The following SAMD12 variants were observed in gnomAD, a reference collection of about 807,000 sequenced individuals.
SAMD12 encodes sterile alpha motif domain containing 12.
In SAMD12, 9 loss-of-function variants were observed where a neutral mutation model predicts 15.0. The ratio of observed to expected loss-of-function variants is 0.60; its 90% CI spans 0.36 to 1.05. SAMD12 has a LOEUF of 1.05. Ranked by LOEUF, SAMD12 falls within the 50% of genes least tolerant of loss-of-function variation. The pLI, the probability that SAMD12 is intolerant of heterozygous loss-of-function variation, is 0.01. For missense variants in SAMD12, 230 were observed against 234.2 expected (o/e 0.98, Z 0.12); for synonymous variants, 86 against 90.1 (o/e 0.96, Z 0.25).
downstream of SAMD12, among the ~76,000 whole-genome samples, chr8:118,186,167 G>A (rs1819240250): frequency 6.6e-6 from 1 of 152,110 alleles, no homozygotes; most frequent in Non-Finnish European, 1.5e-5. Context: ...CAAGGGTAAA[G>A]TACATATATC....
chr8:118,265,913 A>G (rs1030019460), intron 4 of SAMD12, among the ~76,000 whole-genome samples: 2 of 152,118 alleles, frequency 1.3e-5, no homozygotes, highest in Non-Finnish European at 2.9e-5. Context: ...ATATAAGACA[A>G]TAAGGTACAT....
At chr8:118,333,817 C>T (rs1816917085) in intron 4 of SAMD12, among the ~76,000 whole-genome samples, 1 of 151,616 alleles carries the variant, frequency 6.6e-6, no homozygotes, top group African/African-American at 2.4e-5. Flanking sequence ...AGGCACCATG[C>T]CTCTGGTGTG....
At chr8:118,519,088 G>A (rs191317363) in intron 2 of SAMD12, among the ~76,000 whole-genome samples, 1 of 152,308 alleles carries the variant, frequency 6.6e-6, no homozygotes, top group East Asian at 1.9e-4. Context: ...GGAGCAGCCT[G>A]ATTTATACTG....
Position 118,379,253 on chromosome 8 carries a change from A to T in SAMD12, c.*164T>A. ...CTCTAGTGAGTGCAATCGTACCCTG[A>T]TTGATGTGACTGGTATTCTCTGGGG... On this transcript the variant is annotated 3_prime_UTR_variant, in exon 4 of 4. Transcript: ENST00000314727. 2 of 1,433,050 alleles carry T rather than the reference A, an allele frequency of 1.4e-6. No homozygotes were observed. Among genetic ancestry groups the T allele is most frequent in the South Asian group, 3.0e-5 (2 of 66,856 alleles). The allele number at this position is 1,433,050 out of a possible 1,614,324, so 88.8% of individuals were successfully genotyped here.
intron 2 of SAMD12, among the ~76,000 whole-genome samples, chr8:118,543,032 A>G (rs962952045): frequency 7.9e-5 from 12 of 152,228 alleles, no homozygotes; most frequent in African/African-American, 2.2e-4. Flanking sequence ...AAAGGATGAA[A>G]AAAAGGAAAA....
intron 4 of SAMD12, among the ~76,000 whole-genome samples, chr8:118,286,127 T>C (rs1364032746): frequency 8.1e-6 from 1 of 123,882 alleles, no homozygotes; most frequent in Non-Finnish European, 1.6e-5. Context: ...TGAGAACACT[T>C]GGACACAGGA....
intron 1 of SAMD12, chr8:118,621,112 A>T (rs1228366805): frequency 6.6e-6 from 1 of 152,302 alleles, no homozygotes; most frequent in African/African-American, 2.4e-5. Flanking sequence ...TTTACGGTCA[A>T]AACTGCAAAG....
intron 2 of SAMD12, among the ~76,000 whole-genome samples, chr8:118,464,063 AAC>A (rs1312925731): frequency 6.6e-6 from 1 of 152,210 alleles, no homozygotes; most frequent in East Asian, 1.9e-4. Context: ...TCATAAGAGC[AAC>A]AGTGTTGCTA....
intron 2 of SAMD12, among the ~76,000 whole-genome samples, chr8:118,517,252 A>G (rs1231339823): frequency 6.6e-6 from 1 of 152,198 alleles, no homozygotes. Context: ...AACTGAAACC[A>G]TTTTGGGTAC....
chr8:118,270,525 G>T (rs752976122), intron 4 of SAMD12, among the ~76,000 whole-genome samples: 2 of 152,072 alleles, frequency 1.3e-5, no homozygotes, highest in Admixed American at 6.6e-5. Context: ...TCCCCACAGG[G>T]TATGATGGTC....
chr8:118,394,053 A>G (rs1045762856), intron 3 of SAMD12, among the ~76,000 whole-genome samples: 1 of 152,252 alleles, frequency 6.6e-6, no homozygotes, highest in African/African-American at 2.4e-5. Context: ...AACCAAGGCC[A>G]TAAATATGGA....
chr8:118,373,346 A>T (rs1819205286), downstream of SAMD12, among the ~76,000 whole-genome samples: 1 of 152,134 alleles, frequency 6.6e-6, no homozygotes, highest in Admixed American at 6.6e-5. Flanking sequence ...CTATTGCTCC[A>T]TTCTACAAAG....
intron 4 of SAMD12, among the ~76,000 whole-genome samples, chr8:118,328,525 T>G (rs7830523): frequency 1.3e-5 from 2 of 152,228 alleles, no homozygotes; most frequent in African/African-American, 4.8e-5. Context: ...CCATGTTCTA[T>G]TCTATATTTT....
chr8:118,532,807 C>T (rs1257171925), intron 2 of SAMD12, among the ~76,000 whole-genome samples: 3 of 152,130 alleles, frequency 2.0e-5, no homozygotes, highest in Admixed American at 2.0e-4. Flanking sequence ...TTTTTTATTG[C>T]ATCTATTTGA....
intron 4 of SAMD12, among the ~76,000 whole-genome samples, chr8:118,302,711 G>T (rs535804439): frequency 6.6e-6 from 1 of 152,244 alleles, no homozygotes; most frequent in East Asian, 1.9e-4. Flanking sequence ...TTTAATTTTG[G>T]GGGGAGGAAA....
intron 2 of SAMD12, among the ~76,000 whole-genome samples, chr8:118,483,531 G>A (rs1302478482): frequency 2.0e-5 from 3 of 151,836 alleles, no homozygotes; most frequent in South Asian, 2.1e-4. Context: ...ATTTCATTAC[G>A]ACATTTTATT....
At chr8:118,236,293 C>A (rs1211325207) in intron 4 of SAMD12, among the ~76,000 whole-genome samples, 1 of 152,156 alleles carries the variant, frequency 6.6e-6, no homozygotes, top group Non-Finnish European at 1.5e-5. Flanking sequence ...GCCTTCATAG[C>A]ATTAGAGCAA....
chr8:118,302,078 G>GTTTTTTTTTTTTTTTTTTTT lies in SAMD12; in HGVS notation c.433+77462_433+77481dup, dbSNP rs58076997. Among the ~76,000 whole-genome samples, 59 of 74,690 alleles carry GTTTTTTTTTTTTTTTTTTTT rather than the reference G, an allele frequency of 7.9e-4. 7 individuals are homozygous for GTTTTTTTTTTTTTTTTTTTT. The highest frequency in any genetic ancestry group is 4.8e-3 in the East Asian group (9 of 1,868). 49.0% of individuals were successfully genotyped at this position (74,690 alleles called of 152,430 possible). A position where few individuals can be genotyped will look rare whatever the true frequency, so the allele number is the denominator to read the frequency against. On this transcript the variant is annotated intron_variant, in intron 4 of 4. Transcript: ENST00000409003. The stretch of plus-strand genomic sequence containing the variant: ...ATTTTCTAGCGCCAGATCTTTGAGA[G>GTTTTTTTTTTTTTTTTTTTT]TTTTTTTTTTTTTTTTTTTTTTTTT...
At chr8:118,603,186 G>C (rs1827900742) in intron 1 of SAMD12, among the ~76,000 whole-genome samples, 1 of 151,940 alleles carries the variant, frequency 6.6e-6, no homozygotes, top group Non-Finnish European at 1.5e-5. Flanking sequence ...GCTGGAGAAA[G>C]AAAGAAGAAA....
Sources: allele counts gnomAD v4.1 joint callset (sites outside exome capture counted in the v4.1 genomes callset), GRCh38; gene constraint gnomAD v4.1.1; transcripts MANE v1.5; gene names NCBI Gene and HGNC (gene_info 2026-07-23, HGNC 2026-07-21).